The following ARHGAP39 variants were observed in gnomAD, a reference collection of about 807,000 sequenced individuals.
ARHGAP39 encodes the protein rho GTPase-activating protein 39.
In ARHGAP39, 44 loss-of-function variants were observed where a neutral mutation model predicts 106.9. That is an observed-to-expected ratio of 0.41 (90% CI 0.32 to 0.53). ARHGAP39 has a LOEUF of 0.53. ARHGAP39 is among the 20% of genes least tolerant of loss of function. ARHGAP39 has a pLI of 0.21. For missense variants in ARHGAP39, 1,496 were observed against 1,577.3 expected, an observed-to-expected ratio of 0.95 and a Z score of 0.87; for synonymous variants, 768 against 693.2, an observed-to-expected ratio of 1.11 and a Z score of -1.69.
chr8:144,555,305 G>A (rs569862711), intron 4 of ARHGAP39, among the ~76,000 whole-genome samples: 46 of 152,380 alleles, frequency 3.0e-4, no homozygotes, highest in Admixed American at 7.8e-4. Flanking sequence ...ACCAGGGGCT[G>A]AGGGAAGCAC....
chr8:144,657,210 A>C (rs930779137), intron 1 of ARHGAP39, among the ~76,000 whole-genome samples: 2 of 152,126 alleles, frequency 1.3e-5, no homozygotes, highest in African/African-American at 4.8e-5. Flanking sequence ...TCTCTGAAAA[A>C]AATAAATAAA....
chr8:144,593,845 T>G (rs1468605347), intron 2 of ARHGAP39, among the ~76,000 whole-genome samples: 2 of 152,072 alleles, frequency 1.3e-5, no homozygotes, highest in Non-Finnish European at 2.9e-5. Flanking sequence ...ATCTCAGCAC[T>G]TTGAGAGGCC....
In ARHGAP39 at chr8:144,530,535, G is replaced by A; in HGVS notation, c.3232C>T (p.Arg1078Cys). The A allele has an allele frequency of 1.9e-6, 3 of 1,611,720 alleles. No homozygotes were observed. The highest frequency in any genetic ancestry group is 1.1e-5 in the South Asian group (1 of 90,904). Residue 1078 changes from arginine to cysteine, a missense_variant, in exon 12 of 12, where the codon CGC becomes TGC. This residue lies in a region of ARHGAP39 where 470 missense variants were observed against 605.1 expected (regional missense o/e 0.78). Transcript: ENST00000377307. ...ACGCGCGGGTCGTCGGACTGGCAGC[G>A]CAAGCAGTTGGGCGCCATCACCATG... ...LAMVMAPNCL[R>C]CQSDDPRVIF... is the part of the protein sequence containing the mutation.
intron 1 of ARHGAP39, among the ~76,000 whole-genome samples, chr8:144,610,757 C>T (rs1011011531): frequency 2.0e-5 from 3 of 151,946 alleles, no homozygotes; most frequent in Non-Finnish European, 4.4e-5. Context: ...ATAAAATACC[C>T]CTCTGAGTAC....
chr8:144,533,429 A>G, intron 8 of ARHGAP39, 104 bp from the exon 9 acceptor site: 1 of 1,168,724 alleles, frequency 8.6e-7, no homozygotes, highest in Non-Finnish European at 1.2e-6. Context: ...GGCGCTCTTC[A>G]GAATTCCTGC....
intron 1 of ARHGAP39, among the ~76,000 whole-genome samples, chr8:144,668,566 C>G (rs554946772): frequency 1.3e-5 from 2 of 152,162 alleles, no homozygotes; most frequent in Non-Finnish European, 2.9e-5. Context: ...TTTAGAATAA[C>G]ATCAGAAGGA....
In ARHGAP39 at chr8:144,646,452, A is replaced by T. The variant is rs1036155989; in HGVS notation, c.-82+39234T>A. Among the ~76,000 whole-genome samples, 2 of 151,676 alleles carry T rather than the reference A, an allele frequency of 1.3e-5. No homozygotes were observed. The highest frequency in any genetic ancestry group is 2.4e-5 in the African/African-American group (1 of 40,996). ...ATCGATAGCCAAAAAACTAAATTTT[A>T]AAAAATCACCAAAAAAAGTGTGGAG... On this transcript the variant is annotated intron_variant, in intron 1 of 11. Transcript: ENST00000377307. The surrounding 1 kb of genome is among the most constrained non-coding windows in gnomAD (Gnocchi z 5.7).
intron 5 of ARHGAP39, among the ~76,000 whole-genome samples, chr8:144,546,686 T>A (rs1194294875): frequency 6.6e-6 from 1 of 152,108 alleles, no homozygotes; most frequent in Non-Finnish European, 1.5e-5. Flanking sequence ...GCCTCTGTCC[T>A]CCCGGCAGTT....
intron 1 of ARHGAP39, among the ~76,000 whole-genome samples, chr8:144,672,267 C>T (rs545101826): frequency 6.6e-6 from 1 of 152,336 alleles, no homozygotes; most frequent in Non-Finnish European, 1.5e-5. Flanking sequence ...TTCAGCACAG[C>T]TCTGAGTGGC....
chr8:144,560,190 T>G (rs1257876863), intron 3 of ARHGAP39, among the ~76,000 whole-genome samples: 2 of 152,208 alleles, frequency 1.3e-5, no homozygotes, highest in African/African-American at 4.8e-5. Flanking sequence ...TTCCAACACT[T>G]TGGGAGGCCA....
intron 2 of ARHGAP39, among the ~76,000 whole-genome samples, chr8:144,590,980 G>A (rs1335716953): frequency 6.6e-6 from 1 of 152,194 alleles, no homozygotes; most frequent in African/African-American, 2.4e-5. Context: ...ACTGGGACCT[G>A]GTCATTATAC....
Position 144,654,426 on chromosome 8 carries a change from C to T in ARHGAP39, c.-82+31260G>A, listed in dbSNP as rs573605168. 2.0e-5 allele frequency among the ~76,000 whole-genome samples: 3 copies of T among 152,216 alleles called. No homozygotes were observed. The South Asian group carries it at 6.2e-4, about 32-fold the overall frequency. On this transcript the variant is annotated intron_variant, in intron 1 of 11. Coordinates refer to ENST00000377307, the MANE Select transcript of ARHGAP39 (RefSeq NM_025251.3). ...AGCTGAGGTGGGAGGATCAATTGAC[C>T]CTGGGAGGTGGAGGCTGCAGTGATC... is the stretch of plus-strand genomic sequence containing the variant.
Position 144,547,890 on chromosome 8 carries a change from A to G in ARHGAP39, c.1196T>C (p.Val399Ala), listed in dbSNP as rs1817523314. The G allele has an allele frequency of 6.3e-7, 1 of 1,583,826 alleles. No individual in the cohort carries two copies. The highest frequency in any genetic ancestry group is 8.6e-7 in the Non-Finnish European group (1 of 1,165,794). Residue 399 changes from valine (V) to alanine (A), a missense_variant, in exon 5 of 12, where the codon GTC (valine) becomes GCC (alanine). Transcript: ENST00000377307. The surrounding 1 kb of genome is among the most constrained non-coding windows in gnomAD (Gnocchi z 5.2). Reference sequence around the variant, plus strand: ...GCTGGAGCCCGCCTGCTCCACGTAGACCAGCTGCCGCACGTACTCCTTGCC... The same window carrying G: ...GCTGGAGCCCGCCTGCTCCACGTAGGCCAGCTGCCGCACGTACTCCTTGCC... ...PAGKEYVRQL[V>A]YVEQAGSSPK...
intron 1 of ARHGAP39, among the ~76,000 whole-genome samples, chr8:144,627,615 C>T (rs995161117): frequency 1.3e-5 from 2 of 150,958 alleles, no homozygotes; most frequent in Admixed American, 6.6e-5. Context: ...CTGCTGCCAA[C>T]TGGGCACGGG....
rs76422018 is a variant in ARHGAP39, at chr8:144,548,413, G to A, written c.673C>T (p.Leu225Phe). The part of the protein sequence containing the change: ...IKVADREPSF[L>F]AAQGNGYAPD... ...GCGTAGCCATTGCCCTGGGCGGCGAGGAAGCTGGGCTCCCGATCAGCGACC... is the reference window on the plus strand; with the variant it reads ...GCGTAGCCATTGCCCTGGGCGGCGAAGAAGCTGGGCTCCCGATCAGCGACC... Residue 225 changes from leucine to phenylalanine, a missense_variant, in exon 5 of 12, where the codon CTC (leucine) becomes TTC (phenylalanine). Transcript: ENST00000377307. This position sits in a 1 kb window ranked among gnomAD's most constrained non-coding sequence, Gnocchi z 7.4. The A allele has an allele frequency of 3.1e-6, 5 of 1,610,792 alleles. No individual in the cohort carries two copies. Among genetic ancestry groups the A allele is most frequent in the African/African-American group, 1.3e-5 (1 of 75,026 alleles).
chr8:144,583,616 G>A (rs1378508641), intron 2 of ARHGAP39, among the ~76,000 whole-genome samples: 1 of 152,172 alleles, frequency 6.6e-6, no homozygotes, highest in East Asian at 1.9e-4. Context: ...TCCTGCCTGC[G>A]TGCTCCACTG....
chr8:144,601,339 C>T (rs757926501), intron 2 of ARHGAP39, among the ~76,000 whole-genome samples: 145 of 128,830 alleles, frequency 1.1e-3, no homozygotes, highest in Middle Eastern at 0.014. Context: ...TGTGTGTGCT[C>T]GTGTACCTGT....
At chr8:144,581,458 GC>G (rs1818988250) in intron 2 of ARHGAP39, among the ~76,000 whole-genome samples, 181 bp from the exon 3 acceptor site, 1 of 152,364 alleles carries the variant, frequency 6.6e-6, no homozygotes, top group African/African-American at 2.4e-5. Flanking sequence ...AACCGGGGAA[GC>G]CCCCGGAGCC....
upstream of ARHGAP39, among the ~76,000 whole-genome samples, chr8:144,689,557 C>G (rs1024339845): frequency 6.7e-6 from 1 of 149,418 alleles, no homozygotes; most frequent in African/African-American, 2.5e-5. Flanking sequence ...CTGCCTCAGC[C>G]TCCCGAGTAG....
Sources: gnomAD v4.1 joint callset for allele counts (sites outside exome capture counted in the v4.1 genomes callset) on GRCh38, gnomAD v4.1.1 for gene constraint, gnomAD v4.1.1 regional missense constraint, Gnocchi (gnomAD v3.1) non-coding constraint, MANE v1.5 for transcripts, NCBI Gene and HGNC (gene_info 2026-07-23, HGNC 2026-07-21) for gene names.